GABBR2: variants seen among roughly 807,000 people sequenced by gnomAD.
GABBR2 encodes gamma-aminobutyric acid type B receptor subunit 2.
GABBR2 carries 23 observed loss-of-function variants against 105.6 expected under a neutral mutation model. The ratio of observed to expected loss-of-function variants is 0.22; its 90% CI spans 0.16 to 0.31. GABBR2 has a LOEUF of 0.31. Among genes scored for constraint, GABBR2 ranks in the 10% least tolerant of loss-of-function variants. The pLI is 1.00. For missense variants in GABBR2, 734 were observed against 1,245.5 expected (o/e 0.59, Z 6.18); for synonymous variants, 478 against 499.7 (o/e 0.96, Z 0.58).
In GABBR2 at chr9:98,473,237, A is replaced by G; in HGVS notation, c.908T>C (p.Leu303Pro). ...CATGGCAGCAAGCAGATTCTTCCGG[A>G]GGCAGCGGGATGAGTTGGCTTCCGT... ...VHTEANSSRC[L>P]RKNLLAAMEG... Residue 303 changes from leucine (L) to proline (P), a missense_variant, in exon 6 of 19, where the codon CTC (leucine) becomes CCC (proline). Leu to Pro is a moderately conservative substitution (Grantham distance 98, BLOSUM62 -3). Transcript: ENST00000259455. The G allele has an allele frequency of 1.2e-6, 2 of 1,613,798 alleles. No homozygotes were observed. Among genetic ancestry groups the G allele is most frequent in the Non-Finnish European group, 1.7e-6 (2 of 1,179,900 alleles).
intron 3 of GABBR2, among the ~76,000 whole-genome samples, chr9:98,518,748 T>C (rs1358431708): frequency 1.3e-5 from 2 of 152,172 alleles, no homozygotes; most frequent in Non-Finnish European, 2.9e-5. Flanking sequence ...TGCTCATGTA[T>C]GGAGAGGATC....
chr9:98,354,379 T>C (rs1209488197), intron 13 of GABBR2, among the ~76,000 whole-genome samples: 2 of 152,242 alleles, frequency 1.3e-5, no homozygotes, highest in Non-Finnish European at 2.9e-5. Context: ...CTCTGAAACT[T>C]TGAAGCCAGG....
chr9:98,540,697 G>A (rs543388804), intron 3 of GABBR2, among the ~76,000 whole-genome samples: 64 of 152,306 alleles, frequency 4.2e-4, no homozygotes, highest in African/African-American at 1.3e-3. Context: ...TCCTCCACAC[G>A]GCTAAAGTTT....
At chr9:98,540,387 G>C (rs1828271075) in intron 3 of GABBR2, among the ~76,000 whole-genome samples, 1 of 152,230 alleles carries the variant, frequency 6.6e-6, no homozygotes, top group Admixed American at 6.5e-5. Flanking sequence ...AGAAGTTATT[G>C]TCCCCATTTT....
intron 7 of GABBR2, among the ~76,000 whole-genome samples, chr9:98,410,971 C>A (rs1368136562): frequency 1.3e-5 from 2 of 152,176 alleles, no homozygotes; most frequent in Non-Finnish European, 1.5e-5. Context: ...AAGTTGGAAC[C>A]AGTTCCTGTA....
chr9:98,530,590 C>A (rs866145967), intron 3 of GABBR2, among the ~76,000 whole-genome samples: 1 of 152,038 alleles, frequency 6.6e-6, no homozygotes, highest in African/African-American at 2.4e-5. Context: ...CCAGCCTGGG[C>A]AACAAAATGA....
intron 13 of GABBR2, chr9:98,362,502 T>A (rs1831603088): frequency 3.2e-6 from 1 of 309,706 alleles, no homozygotes; most frequent in Non-Finnish European, 5.9e-6. Flanking sequence ...ACATTTCCCA[T>A]TCATTCTGCG....
At chr9:98,577,228 A>ATGGATGGATAG (rs769775744) in intron 2 of GABBR2, among the ~76,000 whole-genome samples, 1 of 151,132 alleles carries the variant, frequency 6.6e-6, no homozygotes, top group African/African-American at 2.4e-5. Flanking sequence ...GGATGGATGG[A>ATGGATGGATAG]GCAAAAAAGT....
intron 13 of GABBR2, among the ~76,000 whole-genome samples, chr9:98,345,904 T>C (rs1249667033): frequency 3.3e-5 from 5 of 152,336 alleles, no homozygotes; most frequent in African/African-American, 1.2e-4. Flanking sequence ...CCAGTGTACA[T>C]AAAAGTTATG....
In GABBR2 at chr9:98,293,830, G is replaced by C. The variant is rs781760871; in HGVS notation, c.2615C>G (p.Ser872Cys). 2 of 1,611,364 alleles carry C rather than the reference G, an allele frequency of 1.2e-6. No homozygotes were observed. Among genetic ancestry groups the C allele is most frequent in the Non-Finnish European group, 8.5e-7 (1 of 1,177,602 alleles). The change falls in exon 18 of 19, where the codon TCT (serine) becomes TGT (cysteine). Residue 872 changes from serine to cysteine, a missense_variant. Physicochemically the swap from Ser to Cys is moderately radical, Grantham distance 112 (BLOSUM62 -1). Coordinates refer to ENST00000259455, the MANE Select transcript of GABBR2 (RefSeq NM_005458.8). ...TTCTATAGGATCTTTGCATGTTCGA[G>C]AGGGCTCTGTTGTGTTCCACTGTAG... ...PQLQWNTTEP[S>C]RTCKDPIEDI...
At chr9:98,591,380 A>G (rs572754417) in intron 1 of GABBR2, among the ~76,000 whole-genome samples, 1 of 152,296 alleles carries the variant, frequency 6.6e-6, no homozygotes, top group African/African-American at 2.4e-5. Context: ...TGCGTCGGGA[A>G]CACTGAACAC....
chr9:98,344,978 CCCAAGCCCATTCT>C (rs1831279037), intron 13 of GABBR2, among the ~76,000 whole-genome samples: 1 of 152,138 alleles, frequency 6.6e-6, no homozygotes, highest in African/African-American at 2.4e-5. Context: ...CATGTTGCCT[CCCAAGCCCATTCT>C]CATTCCACAC....
At chr9:98,302,930 T>A in intron 16 of GABBR2, 1 of 346,794 alleles carries the variant, frequency 2.9e-6, no homozygotes, top group Non-Finnish European at 5.2e-6. Flanking sequence ...AAAGAGACAC[T>A]GACGTAGGAA....
At chr9:98,461,813 T>C (rs1274395798) in intron 6 of GABBR2, among the ~76,000 whole-genome samples, 1 of 152,190 alleles carries the variant, frequency 6.6e-6, no homozygotes, top group Non-Finnish European at 1.5e-5. Context: ...CTTTCAATCA[T>C]GGCAGAAGCC....
intron 4 of GABBR2, among the ~76,000 whole-genome samples, chr9:98,491,562 C>T (rs536227314): frequency 6.6e-6 from 1 of 152,254 alleles, no homozygotes; most frequent in African/African-American, 2.4e-5. Context: ...GTTCTGTTTG[C>T]ATTATGGTAT....
chr9:98,622,410 C>T (rs1829681353), intron 1 of GABBR2, among the ~76,000 whole-genome samples: 1 of 152,148 alleles, frequency 6.6e-6, no homozygotes, highest in South Asian at 2.1e-4. Flanking sequence ...AAGCGATCCT[C>T]CTGTCTCGAC....
chr9:98,610,069 G>A (rs970028837), intron 1 of GABBR2, among the ~76,000 whole-genome samples: 2 of 152,278 alleles, frequency 1.3e-5, no homozygotes, highest in Middle Eastern at 3.4e-3. Flanking sequence ...TCCTCCCTGC[G>A]CCCCTCTCCC....
Position 98,289,443 on chromosome 9 carries a change from A to T in GABBR2, c.*1141T>A, listed in dbSNP as rs1409833072. On this transcript the variant is annotated 3_prime_UTR_variant, in exon 19 of 19. Transcript: ENST00000259455. The stretch of plus-strand genomic sequence containing the variant: ...TCAATTTAAAGGGAGGAATGATCTT[A>T]TGAATGAGAATCAATCTGCTGACTG... 2 of 152,626 alleles carry T rather than the reference A, an allele frequency of 1.3e-5. No individual in the cohort carries two copies. The highest frequency in any genetic ancestry group is 2.9e-5 in the Non-Finnish European group (2 of 68,054). The allele number at this position is 152,626 out of a possible 1,614,324, so 9.5% of individuals were successfully genotyped here.
chr9:98,506,274 T>C (rs1452361309), intron 3 of GABBR2, among the ~76,000 whole-genome samples: 2 of 152,144 alleles, frequency 1.3e-5, no homozygotes, highest in East Asian at 3.9e-4. Flanking sequence ...GGCTGTAACA[T>C]TTTCTTCCCC....
Sources: allele counts gnomAD v4.1 joint callset (sites outside exome capture counted in the v4.1 genomes callset), GRCh38; gene constraint gnomAD v4.1.1; transcripts MANE v1.5; gene names NCBI Gene and HGNC (gene_info 2026-07-23, HGNC 2026-07-21).